The following LAMA3 variants were observed in gnomAD, a reference collection of about 807,000 sequenced individuals.
LAMA3 encodes the protein laminin subunit alpha-3.
Under a neutral mutation model 402.0 loss-of-function variants are expected in LAMA3, and 281 were observed. That is an observed-to-expected ratio of 0.70 (90% CI 0.63 to 0.77). The LOEUF (loss-of-function observed/expected upper bound fraction) is 0.77. Among genes scored for constraint, LAMA3 ranks in the 30% least tolerant of loss-of-function variants. The pLI is 0.00. For missense variants in LAMA3, 3,840 were observed against 4,215.5 expected (o/e 0.91, Z 2.47); for synonymous variants, 1,431 against 1,558.4 (o/e 0.92, Z 1.93).
chr18:23,815,274 A>G, intron 16 of LAMA3, 34 bp downstream of exon 16: 3 of 1,596,676 alleles, frequency 1.9e-6, no homozygotes, highest in Non-Finnish European at 2.6e-6. Context: ...TGACAACAGC[A>G]GAATGCTACA....
At chr18:23,790,096 T>A (rs758955320) in intron 12 of LAMA3, among the ~76,000 whole-genome samples, 2 of 152,194 alleles carry the variant, frequency 1.3e-5, no homozygotes, top group Admixed American at 6.5e-5. Flanking sequence ...TGCAGGGTGG[T>A]GAGTAGCACC....
intron 2 of LAMA3, among the ~76,000 whole-genome samples, chr18:23,727,036 G>C (rs2061312408): frequency 2.0e-5 from 3 of 152,174 alleles, no homozygotes; most frequent in African/African-American, 7.2e-5. Flanking sequence ...CATTCTGCAG[G>C]TTATTCACTC....
At chr18:23,705,450 TACACACACACAC>T (rs35025245) in intron 1 of LAMA3, among the ~76,000 whole-genome samples, 3 of 145,394 alleles carry the variant, frequency 2.1e-5, no homozygotes, top group Admixed American at 6.9e-5. Context: ...TATCATGACA[TACACACACACAC>T]ACACACACAC....
chr18:23,937,639 T>G (rs1443859896), intron 67 of LAMA3, among the ~76,000 whole-genome samples: 1 of 152,162 alleles, frequency 6.6e-6, no homozygotes, highest in Non-Finnish European at 1.5e-5. Context: ...CTGTTCATCT[T>G]GATGCTTATG....
At chr18:23,844,009 G>C (rs1312555271) in intron 29 of LAMA3, among the ~76,000 whole-genome samples, 4 of 152,120 alleles carry the variant, frequency 2.6e-5, no homozygotes, top group Non-Finnish European at 5.9e-5. Flanking sequence ...CAGACTCTCT[G>C]TGTGGCCCTC....
chr18:23,876,342 CG>C lies in LAMA3; in HGVS notation c.5049del (p.Cys1684ValfsTer65), dbSNP rs752030611. The C allele has an allele frequency of 5.0e-6, 8 of 1,614,054 alleles. No homozygotes were observed. The highest frequency in any genetic ancestry group is 6.8e-6 in the Non-Finnish European group (8 of 1,179,890). On this transcript the variant is annotated frameshift_variant, in exon 39 of 75. Coordinates refer to ENST00000313654, the MANE Select transcript of LAMA3 (RefSeq NM_198129.4). LOFTEE classifies it high-confidence loss of function. The part of the protein sequence containing the change: ...YRDHKGLYTG[R>X]CVPCNCNGHS... ...GGATCATAAAGGCTTGTATACCGGA[CG>C]GTGTGTTCCCTGCAATTGCAACGGA...
Position 23,816,477 on chromosome 18 carries a change from G to A in LAMA3, c.2137G>A (p.Val713Met), listed in dbSNP as rs1568214848. The A allele has an allele frequency of 6.2e-7, 1 of 1,613,952 alleles. No homozygotes were observed. Among genetic ancestry groups the A allele is most frequent in the East Asian group, 2.2e-5 (1 of 44,870 alleles). Residue 713 changes from valine (V) to methionine (M), a missense_variant, in exon 18 of 75, where the codon GTG becomes ATG. Val to Met is a conservative substitution (Grantham distance 21). This residue lies in a region of LAMA3 where 2,109 missense variants were observed against 2,376.0 expected (regional missense o/e 0.89). Transcript: ENST00000313654. ...GTGCCGAGAGCATGTCGTGGGAAAGGTGTGCCAGCGGTGAGTCTTCGGGAG... is the reference window on the plus strand; with the variant it reads ...GTGCCGAGAGCATGTCGTGGGAAAGATGTGCCAGCGGTGAGTCTTCGGGAG... ...CQCREHVVGK[V>M]CQRPENNYYF...
chr18:23,914,516 A>T lies in LAMA3; in HGVS notation c.7436A>T (p.Lys2479Met). ...CTCCAAGTGGACCAGATCTTGACCA[A>T]GAGTGAGACTAAGGAGGCAGTTATG... ...AELQVDQILT[K>M]SETKEAVMDR... Residue 2479 changes from lysine to methionine, a missense_variant, in exon 57 of 75, where the codon AAG becomes ATG. Physicochemically the swap from Lys to Met is moderately conservative, Grantham distance 95. This residue lies in a region of LAMA3 where 891 missense variants were observed against 857.5 expected (regional missense o/e 1.04). Coordinates refer to ENST00000313654, the MANE Select transcript of LAMA3 (RefSeq NM_198129.4). 6.2e-7 allele frequency: 1 copy of T among 1,614,206 alleles called. No individual in the cohort carries two copies. Among genetic ancestry groups the T allele is most frequent in the Non-Finnish European group, 8.5e-7 (1 of 1,180,034 alleles).
chr18:23,753,715 G>A lies in LAMA3; in HGVS notation c.856-6G>A. 1.2e-6 allele frequency: 2 copies of A among 1,607,548 alleles called. No homozygotes were observed. Among genetic ancestry groups the A allele is most frequent in the Non-Finnish European group, 8.5e-7 (1 of 1,174,026 alleles). Reference sequence around the variant, plus strand: ...AAACTTGCATGTTCTGTGTTCTGTTGTGCAGTATTATTACAGCATAAAGGA... The same window carrying A: ...AAACTTGCATGTTCTGTGTTCTGTTATGCAGTATTATTACAGCATAAAGGA... On this transcript the variant is annotated splice_region_variant and splice_polypyrimidine_tract_variant and intron_variant, in intron 5 of 74. Transcript: ENST00000313654.
At chr18:23,902,913 C>T in intron 48 of LAMA3, 96 bp from the exon 49 acceptor site, 1 of 784,466 alleles carries the variant, frequency 1.3e-6, no homozygotes, top group African/African-American at 1.7e-5. Flanking sequence ...AGCATTCTGA[C>T]TTTGAAATTA....
chr18:23,949,267 T>C (rs535469645), intron 70 of LAMA3, among the ~76,000 whole-genome samples: 1 of 152,318 alleles, frequency 6.6e-6, no homozygotes, highest in East Asian at 1.9e-4. Flanking sequence ...TTTTATTATT[T>C]TGGGAACATT....
In LAMA3 at chr18:23,904,021, C is replaced by T. The variant is rs370749309; in HGVS notation, c.6407C>T (p.Thr2136Ile). ...VRELSRSAGK[T>I]SLVEEAEKHA... ...GAACTTTCCAGATCTGCTGGCAAAA[C>T]ATCCCTTGTGGAGGAGGCAGAAAAG... The change falls in exon 50 of 75, where the codon ACA (threonine) becomes ATA (isoleucine). Residue 2136 changes from threonine (T) to isoleucine (I), a missense_variant. By Grantham distance (89) the Thr-to-Ile change is moderately conservative. Transcript: ENST00000313654. 5 of 1,614,032 alleles carry T rather than the reference C, an allele frequency of 3.1e-6. No homozygotes were observed. In the Admixed American group the frequency reaches 5.0e-5, roughly 16 times the overall value.
intron 32 of LAMA3, among the ~76,000 whole-genome samples, chr18:23,854,233 A>C (rs2064011585): frequency 6.6e-6 from 1 of 152,232 alleles, no homozygotes; most frequent in South Asian, 2.1e-4. Context: ...ACATTCTAAA[A>C]TAAACACACA....
chr18:23,724,246 T>A (rs7243535), intron 2 of LAMA3, among the ~76,000 whole-genome samples: 3 of 152,186 alleles, frequency 2.0e-5, no homozygotes, highest in Admixed American at 2.0e-4. Context: ...GTCAATGGTA[T>A]GTACGTATAC....
intron 10 of LAMA3, 69 bp from the exon 11 acceptor site, chr18:23,777,488 A>G: frequency 9.2e-7 from 1 of 1,092,336 alleles, no homozygotes; most frequent in African/African-American, 1.5e-5. Flanking sequence ...CCTAGTTAGT[A>G]CAACTTAATG....
chr18:23,856,634 C>T (rs2064086243), intron 32 of LAMA3, among the ~76,000 whole-genome samples: 1 of 152,114 alleles, frequency 6.6e-6, no homozygotes, highest in Non-Finnish European at 1.5e-5. Context: ...GTTAAAAGGA[C>T]CTGCAGATGG....
At chr18:23,756,135 T>C (rs1050222903) in intron 6 of LAMA3, among the ~76,000 whole-genome samples, 1 of 152,188 alleles carries the variant, frequency 6.6e-6, no homozygotes, top group Non-Finnish European at 1.5e-5. Context: ...ACTTGTTCTG[T>C]GCTGCCAGGT....
chr18:23,702,497 T>TTG (rs1051702170), intron 1 of LAMA3, among the ~76,000 whole-genome samples: 16 of 152,194 alleles, frequency 1.1e-4, no homozygotes, highest in South Asian at 1.0e-3. Context: ...CTAATTTTTT[T>TTG]TGTGTGTGTG....
intron 70 of LAMA3, among the ~76,000 whole-genome samples, chr18:23,947,322 G>A (rs1254783670): frequency 6.6e-6 from 1 of 152,136 alleles, no homozygotes; most frequent in East Asian, 1.9e-4. Context: ...AGTTAAGTAA[G>A]ATGAGCCTAT....
Sources: allele counts gnomAD v4.1 joint callset (sites outside exome capture counted in the v4.1 genomes callset), GRCh38; gene constraint gnomAD v4.1.1; regional missense constraint gnomAD v4.1.1; transcripts MANE v1.5; gene names NCBI Gene and HGNC (gene_info 2026-07-23, HGNC 2026-07-21).